ZSWIM2: variants seen among roughly 807,000 people sequenced by gnomAD.
The protein encoded by ZSWIM2 is E3 ubiquitin-protein ligase ZSWIM2.
A neutral mutation model predicts 48.4 loss-of-function variants in ZSWIM2; 38 were observed. That is an observed-to-expected ratio of 0.79 (90% CI 0.61 to 1.03). ZSWIM2 has a LOEUF of 1.03. Ranked by LOEUF, ZSWIM2 falls within the 50% of genes least tolerant of loss-of-function variation. ZSWIM2 has a pLI of 0.00. For missense variants in ZSWIM2, 776 were observed against 730.2 expected, an observed-to-expected ratio of 1.06 and a Z score of -0.72; for synonymous variants, 240 against 251.3, an observed-to-expected ratio of 0.96 and a Z score of 0.42.
intron 8 of ZSWIM2, 67 bp from the exon 9 acceptor site, chr2:186,828,857 TC>T (rs1365758779): frequency 5.4e-6 from 5 of 932,106 alleles, no homozygotes; most frequent in Non-Finnish European, 5.7e-6. Flanking sequence ...CAAGTAAATT[TC>T]CCCCAGTTTC....
intron 7 of ZSWIM2, among the ~76,000 whole-genome samples, chr2:186,832,155 C>T (rs991788590): frequency 6.6e-5 from 10 of 151,076 alleles, no homozygotes; most frequent in African/African-American, 2.4e-4. Flanking sequence ...CATTCTGTTG[C>T]CTCGGTTGGA....
chr2:186,843,390 T>C (rs1008090145), intron 3 of ZSWIM2, among the ~76,000 whole-genome samples: 1 of 151,524 alleles, frequency 6.6e-6, no homozygotes, highest in Admixed American at 6.6e-5. Context: ...ATCTAGAAGG[T>C]GAAAGACAAA....
chr2:186,829,057 T>C (rs1392386742), intron 8 of ZSWIM2, among the ~76,000 whole-genome samples: 1 of 152,138 alleles, frequency 6.6e-6, no homozygotes, highest in Non-Finnish European at 1.5e-5. Context: ...TACTTAAAGT[T>C]ATTCATTTCA....
intron 3 of ZSWIM2, among the ~76,000 whole-genome samples, chr2:186,842,089 A>G (rs900154535): frequency 2.6e-5 from 4 of 151,248 alleles, no homozygotes; most frequent in Admixed American, 6.6e-5. Flanking sequence ...CAGGTTTCTT[A>G]TATGCAACAC....
intron 4 of ZSWIM2, among the ~76,000 whole-genome samples, chr2:186,838,347 TAAA>T (rs762167435): frequency 2.2e-5 from 3 of 138,676 alleles, no homozygotes; most frequent in African/African-American, 5.2e-5. Flanking sequence ...CATTAATGAG[TAAA>T]AAAAAAAAAA....
intron 5 of ZSWIM2, among the ~76,000 whole-genome samples, chr2:186,834,251 A>C (rs1691754023): frequency 6.6e-6 from 1 of 152,126 alleles, no homozygotes; most frequent in Non-Finnish European, 1.5e-5. Flanking sequence ...CATTGGATAG[A>C]AGTCTGAGAT....
At chr2:186,837,640 T>TATATATATTATATATATATATATATA in intron 4 of ZSWIM2, 86 bp from the exon 5 acceptor site, 1 of 436,424 alleles carries the variant, frequency 2.3e-6, no homozygotes, top group African/African-American at 2.2e-5. Context: ...TATATATATA[T>TATATATATTATATATATATATATATA]TTATATAAAT....
At chr2:186,841,597 T>C (rs925405594) in intron 3 of ZSWIM2, among the ~76,000 whole-genome samples, 1 of 151,298 alleles carries the variant, frequency 6.6e-6, no homozygotes, top group Admixed American at 6.6e-5. Context: ...ACAAAGAATA[T>C]AACAAGCAGT....
At position 186,828,208 on chromosome 2, in the gene ZSWIM2, C is replaced by T. The variant is rs779576525; in HGVS notation, c.1678G>A (p.Ala560Thr). The change falls in exon 9 of 9, where the codon GCC becomes ACC. Residue 560 changes from alanine to threonine, a missense_variant. Coordinates refer to ENST00000295131, the MANE Select transcript of ZSWIM2 (RefSeq NM_182521.3). ...CNNHNLKKTP[A>T]TKIREDNKRS... is the part of the protein sequence containing the mutation. Reference sequence around the variant, plus strand: ...TTGTTGTCCTCTCTTATTTTAGTGGCAGGAGTCTTCTTTAGGTTGTGGTTA... The same window carrying T: ...TTGTTGTCCTCTCTTATTTTAGTGGTAGGAGTCTTCTTTAGGTTGTGGTTA... 1 of 1,613,510 alleles carries T rather than the reference C, an allele frequency of 6.2e-7. No homozygotes were observed. The highest frequency in any genetic ancestry group is 8.5e-7 in the Non-Finnish European group (1 of 1,179,738).
chr2:186,837,198 T>C (rs1427552099), intron 5 of ZSWIM2, 108 bp downstream of exon 5: 2 of 1,164,660 alleles, frequency 1.7e-6, no homozygotes, highest in East Asian at 2.4e-5. Flanking sequence ...AGTCAAACAG[T>C]ATATGCAGGA....
Position 186,829,744 on chromosome 2 carries a change from G to A in ZSWIM2, c.1078C>T (p.Leu360=). ...ACTTTTACCTTGTGAGTACATGGTA[G>A]CAATCTTGTATGTTGACCAAGATGA... The part of the protein sequence containing the change: ...AFHLGQHTRL[L]PCTHKFHRKC... The change falls in exon 8 of 9, where the codon CTA becomes TTA. Residue 360 remains leucine (L), a synonymous_variant. Coordinates refer to ENST00000295131, the MANE Select transcript of ZSWIM2 (RefSeq NM_182521.3). 3.1e-6 allele frequency: 5 copies of A among 1,612,576 alleles called. No homozygotes were observed. The highest frequency in any genetic ancestry group is 4.2e-6 in the Non-Finnish European group (5 of 1,179,508).
chr2:186,831,751 C>A (rs570534549), intron 7 of ZSWIM2, among the ~76,000 whole-genome samples: 3 of 152,184 alleles, frequency 2.0e-5, no homozygotes, highest in African/African-American at 4.8e-5. Flanking sequence ...TGGAAACCAT[C>A]ATTCTCAGCA....
rs1277713500 is a variant in ZSWIM2, at chr2:186,837,543, C to G, written c.506G>C (p.Gly169Ala). 3 of 1,608,694 alleles carry G rather than the reference C, an allele frequency of 1.9e-6. No individual in the cohort carries two copies. The highest frequency in any genetic ancestry group is 1.3e-5 in the African/African-American group (1 of 74,422). The change falls in exon 5 of 9, where the codon GGC becomes GCC. Residue 169 changes from glycine (G) to alanine (A), a missense_variant. Physicochemically the swap from Gly to Ala is moderately conservative, Grantham distance 60 (BLOSUM62 0). Coordinates refer to ENST00000295131, the MANE Select transcript of ZSWIM2 (RefSeq NM_182521.3). ...CATGCATTTTATATGAATACTATTG[C>G]CACAGCCAAACCTATGAGAGATAAA... ...LPVTFCRFGC[G>A]NSIHIKCMKI...
intron 7 of ZSWIM2, among the ~76,000 whole-genome samples, chr2:186,832,625 A>C (rs1311876840): frequency 1.3e-5 from 2 of 152,124 alleles, no homozygotes; most frequent in Non-Finnish European, 2.9e-5. Flanking sequence ...GCAAATTTCA[A>C]ATATCTTTGA....
Position 186,828,212 on chromosome 2 carries a change from A to T in ZSWIM2, c.1674T>A (p.Thr558=). Residue 558 remains threonine (T), a synonymous_variant, in exon 9 of 9, where the codon ACT becomes ACA. Transcript: ENST00000295131. ...TGTCCTCTCTTATTTTAGTGGCAGG[A>T]GTCTTCTTTAGGTTGTGGTTATTAC... ...CKCNNHNLKK[T]PATKIREDNK... The T allele has an allele frequency of 6.4e-7, 1 of 1,571,956 alleles. No homozygotes were observed.
chr2:186,828,356 A>C lies in ZSWIM2; in HGVS notation c.1530T>G (p.Ser510=). The C allele has an allele frequency of 6.2e-7, 1 of 1,613,812 alleles. No individual in the cohort carries two copies. The highest frequency in any genetic ancestry group is 8.5e-7 in the Non-Finnish European group (1 of 1,179,824). Residue 510 remains serine, a synonymous_variant, in exon 9 of 9, where the codon TCT becomes TCG. Coordinates refer to ENST00000295131, the MANE Select transcript of ZSWIM2 (RefSeq NM_182521.3). ...LPTVSFGKIP[S]QTLLPPIVHK... is the part of the protein sequence containing the mutation. ...GAACAATAGGAGGAAGCAGTGTTTG[A>C]GATGGTATTTTCCCAAATGACACAG...
intron 4 of ZSWIM2, 22 bp downstream of exon 4, chr2:186,838,937 A>G (rs1480966907): frequency 6.3e-7 from 1 of 1,593,978 alleles, no homozygotes; most frequent in East Asian, 2.2e-5. Context: ...AGTTTTAAGA[A>G]TCTAAAGAAA....
intron 3 of ZSWIM2, among the ~76,000 whole-genome samples, chr2:186,844,421 GTAACCTTTTCTTAGAA>G: frequency 6.6e-6 from 1 of 151,680 alleles, no homozygotes; most frequent in African/African-American, 2.4e-5. Flanking sequence ...AGAAACCACT[GTAACCTTTTCTTAGAA>G]TACATAAATG....
At chr2:186,846,820 T>C (rs2105516631) in intron 2 of ZSWIM2, among the ~76,000 whole-genome samples, 1 of 150,988 alleles carries the variant, frequency 6.6e-6, no homozygotes, top group East Asian at 1.9e-4. Context: ...CATATATATA[T>C]ATATATAATG....
Sources: gnomAD v4.1 joint callset for allele counts (sites outside exome capture counted in the v4.1 genomes callset) on GRCh38, gnomAD v4.1.1 for gene constraint, MANE v1.5 for transcripts, NCBI Gene and HGNC (gene_info 2026-07-23, HGNC 2026-07-21) for gene names.